Variants in ASTN2 observed in about 807,000 individuals in gnomAD.
ASTN2 encodes the protein astrotactin-2.
ASTN2 carries 54 observed loss-of-function variants against 139.8 expected under a neutral mutation model. The ratio of observed to expected loss-of-function variants is 0.39; its 90% CI spans 0.31 to 0.48. The LOEUF (loss-of-function observed/expected upper bound fraction) is 0.48, where lower values mean the gene tolerates loss of function less well. Ranked by LOEUF, ASTN2 falls within the 20% of genes least tolerant of loss-of-function variation. ASTN2 has a pLI of 0.95. For missense variants in ASTN2, 1,565 were observed against 1,725.1 expected (o/e 0.91, Z 1.64); for synonymous variants, 756 against 719.5 (o/e 1.05, Z -0.81).
intron 5 of ASTN2, among the ~76,000 whole-genome samples, chr9:117,042,605 G>A (rs1459195497): frequency 1.3e-5 from 2 of 151,944 alleles, no homozygotes; most frequent in Admixed American, 6.6e-5. Flanking sequence ...TTCGAGTGCT[G>A]CAAGAAGCTG....
intron 6 of ASTN2, among the ~76,000 whole-genome samples, chr9:117,015,388 G>A (rs939570786): frequency 4.6e-5 from 7 of 152,204 alleles, no homozygotes; most frequent in Admixed American, 4.6e-4. Flanking sequence ...TTTATTTTGT[G>A]CTTGGGATAC....
intron 20 of ASTN2, among the ~76,000 whole-genome samples, chr9:116,450,472 TA>T (rs1848140320): frequency 6.6e-6 from 1 of 152,214 alleles, no homozygotes; most frequent in Non-Finnish European, 1.5e-5. Context: ...CACAGCTCTC[TA>T]ACTGCAGGTC....
chr9:117,282,252 AT>A (rs1227318710), intron 2 of ASTN2, among the ~76,000 whole-genome samples: 1 of 152,154 alleles, frequency 6.6e-6, no homozygotes, highest in African/African-American at 2.4e-5. Context: ...CATGGGTTGG[AT>A]GTTTCTGTCG....
intron 1 of ASTN2, among the ~76,000 whole-genome samples, chr9:117,366,742 C>T (rs140007140): frequency 6.6e-6 from 1 of 152,202 alleles, no homozygotes; most frequent in East Asian, 1.9e-4. Flanking sequence ...TCTGGAAACA[C>T]CTGCTCTGAA....
intron 19 of ASTN2, among the ~76,000 whole-genome samples, chr9:116,510,403 T>C (rs148235562): frequency 0.068 from 10,413 of 152,250 alleles, 395 homozygotes; most frequent in East Asian, 0.15. Context: ...TTGGTTACTA[T>C]AGCCTTGTAG....
chr9:117,126,456 AT>A (rs1374876919), intron 4 of ASTN2, among the ~76,000 whole-genome samples: 12 of 152,358 alleles, frequency 7.9e-5, no homozygotes, highest in East Asian at 7.7e-4. Flanking sequence ...TGTTACAGTA[AT>A]ACATGTGAAA....
chr9:117,376,540 G>T (rs1173605239), intron 1 of ASTN2, among the ~76,000 whole-genome samples: 1 of 152,176 alleles, frequency 6.6e-6, no homozygotes, highest in Non-Finnish European at 1.5e-5. Context: ...ATATTTAGGG[G>T]TTAGCTGAAT....
At chr9:116,964,033 A>G (rs767648095) in intron 10 of ASTN2, among the ~76,000 whole-genome samples, 64 of 152,008 alleles carry the variant, frequency 4.2e-4, no homozygotes, top group African/African-American at 1.5e-3. Context: ...ACTTTCCCTC[A>G]ATTTTGTGCA....
At chr9:117,315,946 T>A (rs1828130663) in intron 1 of ASTN2, among the ~76,000 whole-genome samples, 1 of 152,192 alleles carries the variant, frequency 6.6e-6, no homozygotes, top group South Asian at 2.1e-4. Flanking sequence ...ATAGGCAACG[T>A]CTATTGACTG....
chr9:116,506,153 G>A (rs1287661607), intron 19 of ASTN2, among the ~76,000 whole-genome samples: 4 of 152,100 alleles, frequency 2.6e-5, no homozygotes, highest in Non-Finnish European at 4.4e-5. Flanking sequence ...AATAGTGTTC[G>A]GTATGTAGTA....
At chr9:116,689,341 ATTG>A (rs1860446723) in intron 16 of ASTN2, among the ~76,000 whole-genome samples, 2 of 152,196 alleles carry the variant, frequency 1.3e-5, no homozygotes, top group African/African-American at 4.8e-5. Context: ...ATGTCACAGA[ATTG>A]TTGTGAGGAT....
chr9:116,443,347 A>G (rs10759838), intron 20 of ASTN2, among the ~76,000 whole-genome samples: 146,800 of 152,254 alleles, frequency 0.96, 70,925 homozygotes, highest in Non-Finnish European at 1. Context: ...AACAAAGGGA[A>G]ATGAGGTAGA....
chr9:117,119,878 A>T (rs1490556236), intron 4 of ASTN2, among the ~76,000 whole-genome samples: 1 of 151,538 alleles, frequency 6.6e-6, no homozygotes, highest in Non-Finnish European at 1.5e-5. Context: ...TGCAAGATGG[A>T]GGTGAATAAA....
chr9:116,658,048 C>A (rs575318738), intron 16 of ASTN2, among the ~76,000 whole-genome samples: 2 of 152,084 alleles, frequency 1.3e-5, no homozygotes, highest in Admixed American at 6.6e-5. Flanking sequence ...CCATGCCTGG[C>A]TAATTTTTGT....
At chr9:116,569,229 C>G (rs984620362) in intron 19 of ASTN2, among the ~76,000 whole-genome samples, 3 of 152,184 alleles carry the variant, frequency 2.0e-5, no homozygotes, top group African/African-American at 4.8e-5. Flanking sequence ...ACTGGCTAGC[C>G]GTGCAACCCA....
chr9:116,848,823 G>A (rs1308900223), intron 11 of ASTN2, among the ~76,000 whole-genome samples: 1 of 152,120 alleles, frequency 6.6e-6, no homozygotes, highest in Non-Finnish European at 1.5e-5. Context: ...CTCTAATTCA[G>A]TTCAATTTTG....
intron 7 of ASTN2, among the ~76,000 whole-genome samples, chr9:116,982,094 G>T (rs917054149): frequency 1.3e-5 from 2 of 152,182 alleles, no homozygotes; most frequent in African/African-American, 4.8e-5. Context: ...CTCCTGTGAG[G>T]CTCTTCCAAA....
At chr9:117,100,449 G>A (rs1828949288) in intron 4 of ASTN2, among the ~76,000 whole-genome samples, 1 of 152,172 alleles carries the variant, frequency 6.6e-6, no homozygotes. Context: ...AGAATATGTT[G>A]CATTTCACTC....
intron 6 of ASTN2, among the ~76,000 whole-genome samples, chr9:117,010,046 G>T (rs1837472584): frequency 6.6e-6 from 1 of 152,132 alleles, no homozygotes; most frequent in African/African-American, 2.4e-5. Flanking sequence ...AGGCACAGTG[G>T]ACAACATAAT....
Sources: allele counts gnomAD v4.1 joint callset (sites outside exome capture counted in the v4.1 genomes callset), GRCh38; gene constraint gnomAD v4.1.1; transcripts MANE v1.5; gene names NCBI Gene and HGNC (gene_info 2026-07-23, HGNC 2026-07-21).